Variants in BTRC observed in about 807,000 individuals in gnomAD.
BTRC encodes beta-transducin repeat containing E3 ubiquitin protein ligase.
In BTRC, 42 loss-of-function variants were observed where a neutral mutation model predicts 85.5. That is an observed-to-expected ratio of 0.49 (90% confidence interval 0.38 to 0.64). BTRC has a LOEUF of 0.64. Ranked by LOEUF, BTRC falls within the 30% of genes least tolerant of loss-of-function variation. The pLI is 0.00. For missense variants in BTRC, 594 were observed against 743.5 expected (o/e 0.80, Z 2.34); for synonymous variants, 255 against 263.3 (o/e 0.97, Z 0.30).
intron 2 of BTRC, among the ~76,000 whole-genome samples, chr10:101,442,372 G>A (rs2134115363): frequency 6.6e-6 from 1 of 151,384 alleles, no homozygotes; most frequent in Non-Finnish European, 1.5e-5. Context: ...CATGACTGAT[G>A]GTGTGTACTG....
intron 1 of BTRC, among the ~76,000 whole-genome samples, chr10:101,405,771 G>C (rs1228045888): frequency 6.6e-6 from 1 of 152,122 alleles, no homozygotes; most frequent in Non-Finnish European, 1.5e-5. Context: ...ACCCCTTCTA[G>C]TTAATTATCC....
intron 4 of BTRC, among the ~76,000 whole-genome samples, chr10:101,505,145 A>G (rs1212558280): frequency 1.0e-5 from 1 of 99,320 alleles, no homozygotes; most frequent in African/African-American, 3.4e-5. Flanking sequence ...ATATGTATAT[A>G]TATATGTATA....
intron 12 of BTRC, among the ~76,000 whole-genome samples, chr10:101,538,084 T>A (rs989932262): frequency 1.3e-5 from 2 of 152,178 alleles, no homozygotes; most frequent in Non-Finnish European, 2.9e-5. Context: ...ATGTACAAGA[T>A]CTCCTCTTGA....
At chr10:101,363,544 C>A (rs1376847627) in intron 1 of BTRC, among the ~76,000 whole-genome samples, 1 of 152,040 alleles carries the variant, frequency 6.6e-6, no homozygotes, top group African/African-American at 2.4e-5. Flanking sequence ...CTGCCACCTC[C>A]ACCTCCCGGG....
At chr10:101,509,133 C>T (rs1385587100) in intron 4 of BTRC, among the ~76,000 whole-genome samples, 1 of 151,830 alleles carries the variant, frequency 6.6e-6, no homozygotes. Context: ...CTAGGTCTCC[C>T]TGCTATCACC....
rs1368949870 is a variant in BTRC at position 101,554,046 on chromosome 10, G to C, written c.*923G>C. On this transcript the variant is annotated 3_prime_UTR_variant, in exon 15 of 15. Transcript: ENST00000370187. ...TTCCCCACACCCAAGAGGAGGATTG[G>C]TGGTAGGGGGCAGGCAGAGGGGGTG... is the stretch of plus-strand genomic sequence containing the variant. The C allele has an allele frequency of 6.6e-6, 1 of 152,224 alleles. No individual in the cohort carries two copies. The highest frequency in any genetic ancestry group is 1.9e-4 in the East Asian group (1 of 5,186). The allele number at this position is 152,224 out of a possible 1,614,324, so 9.4% of individuals were successfully genotyped here.
At chr10:101,463,199 C>T (rs1287400432) in intron 3 of BTRC, among the ~76,000 whole-genome samples, 1 of 152,200 alleles carries the variant, frequency 6.6e-6, no homozygotes, top group Non-Finnish European at 1.5e-5. Flanking sequence ...GTGCCCACTA[C>T]CACACCGGGC....
intron 4 of BTRC, among the ~76,000 whole-genome samples, chr10:101,505,216 C>T (rs1197006764): frequency 8.4e-6 from 1 of 119,196 alleles, no homozygotes; most frequent in African/African-American, 3.5e-5. Flanking sequence ...GTTGGCCAGG[C>T]TGGTCTAAGA....
chr10:101,388,011 C>A (rs984489865), intron 1 of BTRC, among the ~76,000 whole-genome samples: 3 of 152,014 alleles, frequency 2.0e-5, no homozygotes, highest in Admixed American at 6.6e-5. Flanking sequence ...TTATAGATAG[C>A]TTGTCAAGTT....
At chr10:101,500,996 A>G (rs1379856634) in intron 4 of BTRC, among the ~76,000 whole-genome samples, 1 of 152,160 alleles carries the variant, frequency 6.6e-6, no homozygotes, top group Non-Finnish European at 1.5e-5. Context: ...GGAGTTCAAG[A>G]CCAGCCTGGC....
chr10:101,388,139 G>A (rs914077107), intron 1 of BTRC, among the ~76,000 whole-genome samples: 34 of 152,040 alleles, frequency 2.2e-4, no homozygotes, highest in African/African-American at 8.2e-4. Context: ...TAAAATTTGA[G>A]AACTTTTAGC....
chr10:101,534,958 C>G lies in BTRC; in HGVS notation c.1347+48C>G. ...GTTTCCAACTTAGAATGGGGGAATT[C>G]ATATGAAAATTTGATCAAGGGCAAT... On this transcript the variant is annotated intron_variant, in intron 10 of 14. Transcript: ENST00000370187. 1.9e-6 allele frequency: 3 copies of G among 1,583,410 alleles called. No individual in the cohort carries two copies. The South Asian group carries it at 3.3e-5, about 18-fold the overall frequency.
intron 1 of BTRC, among the ~76,000 whole-genome samples, chr10:101,357,371 G>A (rs960569036): frequency 8.6e-5 from 13 of 150,634 alleles, no homozygotes; most frequent in African/African-American, 2.9e-4. Context: ...AACCCAGGAG[G>A]TGGAGGTTGC....
rs1322730873 is a variant in BTRC, at chr10:101,538,284, G to C, written c.1578-9G>C. ...TAACTAACATTTTTGTCCCCTTTTTGATCTTTAGAAAAATTAAAGTGTGGG... is the reference window on the plus strand; with the variant it reads ...TAACTAACATTTTTGTCCCCTTTTTCATCTTTAGAAAAATTAAAGTGTGGG... On this transcript the variant is annotated splice_polypyrimidine_tract_variant and intron_variant, in intron 12 of 14. Coordinates refer to ENST00000370187, the MANE Select transcript of BTRC (RefSeq NM_033637.4). 1 of 1,612,272 alleles carries C rather than the reference G, an allele frequency of 6.2e-7. No homozygotes were observed. The highest frequency in any genetic ancestry group is 8.5e-7 in the Non-Finnish European group (1 of 1,178,682).
At chr10:101,443,455 A>G (rs1046763387) in intron 2 of BTRC, among the ~76,000 whole-genome samples, 3 of 152,240 alleles carry the variant, frequency 2.0e-5, no homozygotes, top group Non-Finnish European at 2.9e-5. Flanking sequence ...AGAAAAATAC[A>G]TATGTATAAT....
intron 1 of BTRC, among the ~76,000 whole-genome samples, chr10:101,396,993 G>A (rs1326342129): frequency 1.3e-5 from 2 of 151,940 alleles, no homozygotes; most frequent in African/African-American, 4.8e-5. Flanking sequence ...TAGTAGAGAC[G>A]AGGTTTCACC....
intron 8 of BTRC, 26 bp from the exon 9 acceptor site, chr10:101,532,926 C>A: frequency 1.3e-6 from 2 of 1,551,900 alleles, no homozygotes; most frequent in South Asian, 2.2e-5. Flanking sequence ...TCACATTGAT[C>A]AAAAGGATCT....
At chr10:101,421,251 C>T (rs763435867) in intron 1 of BTRC, among the ~76,000 whole-genome samples, 3 of 151,982 alleles carry the variant, frequency 2.0e-5, no homozygotes, top group Non-Finnish European at 4.4e-5. Context: ...CTCTTGGGTG[C>T]GATTTCTTTA....
At position 101,494,413 on chromosome 10, in the gene BTRC, T is replaced by C. The variant is rs2134269717; in HGVS notation, c.324+14956T>C. Among the ~76,000 whole-genome samples, 4 of 152,358 alleles carry C rather than the reference T, an allele frequency of 2.6e-5. No individual in the cohort carries two copies. The South Asian group carries it at 8.3e-4, about 32-fold the overall frequency. ...TCTAGGAAATTGCTAAAGCTGACTT[T>C]ATAGACATACTTTTTGAGGGATCCA... On this transcript the variant is annotated intron_variant, in intron 4 of 14. Coordinates refer to ENST00000370187, the MANE Select transcript of BTRC (RefSeq NM_033637.4).
Sources: gnomAD v4.1 joint callset for allele counts (sites outside exome capture counted in the v4.1 genomes callset) on GRCh38, gnomAD v4.1.1 for gene constraint, MANE v1.5 for transcripts, NCBI Gene and HGNC (gene_info 2026-07-23, HGNC 2026-07-21) for gene names.